Variants in SORCS3 observed in about 807,000 individuals in gnomAD.
SORCS3 encodes the protein sortilin related VPS10 domain containing receptor 3.
A neutral mutation model predicts 146.3 loss-of-function variants in SORCS3; 57 were observed. The observed-to-expected ratio is 0.39, with a 90% CI of 0.31 to 0.49. The LOEUF (loss-of-function observed/expected upper bound fraction) is 0.49, where lower values mean the gene tolerates loss of function less well. Ranked by LOEUF, SORCS3 falls within the 20% of genes least tolerant of loss-of-function variation. SORCS3 has a pLI of 0.92. For synonymous variants in SORCS3, 653 were observed against 618.5 expected (o/e 1.06, Z -0.83); for missense variants, 1,341 against 1,575.5 (o/e 0.85, Z 2.52).
intron 1 of SORCS3, among the ~76,000 whole-genome samples, chr10:104,818,304 T>C (rs1316241930): frequency 6.6e-6 from 1 of 152,130 alleles, no homozygotes; most frequent in East Asian, 1.9e-4. Flanking sequence ...TTCCTAGGAA[T>C]TGGAGGTTAG....
At chr10:105,043,469 T>C (rs188779569) in intron 5 of SORCS3, among the ~76,000 whole-genome samples, 52 of 152,294 alleles carry the variant, frequency 3.4e-4, no homozygotes, top group Admixed American at 2.7e-3. Context: ...CCCCTCTTTT[T>C]GGAAAAGTGC....
At chr10:105,047,358 G>A (rs2055380608) in intron 5 of SORCS3, among the ~76,000 whole-genome samples, 1 of 152,040 alleles carries the variant, frequency 6.6e-6, no homozygotes, top group South Asian at 2.1e-4. Context: ...CTAAAACACG[G>A]AAGGAATGTC....
At chr10:104,726,534 G>A (rs983285993) in intron 1 of SORCS3, among the ~76,000 whole-genome samples, 1 of 152,082 alleles carries the variant, frequency 6.6e-6, no homozygotes, top group African/African-American at 2.4e-5. Context: ...CATGTCTCAT[G>A]CATGTTCCAT....
intron 22 of SORCS3, among the ~76,000 whole-genome samples, chr10:105,248,016 T>A (rs1359191861): frequency 6.6e-6 from 1 of 152,210 alleles, no homozygotes; most frequent in Non-Finnish European, 1.5e-5. Flanking sequence ...AGACTACCGT[T>A]GGCCACAGAT....
At chr10:104,940,752 G>C (rs1204957721) in intron 3 of SORCS3, among the ~76,000 whole-genome samples, 1 of 152,068 alleles carries the variant, frequency 6.6e-6, no homozygotes, top group Non-Finnish European at 1.5e-5. Context: ...ACAAACAAAT[G>C]GAAGAACATT....
intron 6 of SORCS3, 107 bp from the exon 7 acceptor site, chr10:105,105,290 T>G (rs1372048727): frequency 1.5e-6 from 1 of 649,248 alleles, no homozygotes; most frequent in Non-Finnish European, 2.7e-6. Context: ...CACTGTTATT[T>G]TAAATTACCT....
chr10:104,647,272 G>A (rs1025724278), intron 1 of SORCS3, among the ~76,000 whole-genome samples: 6 of 152,242 alleles, frequency 3.9e-5, no homozygotes, highest in South Asian at 2.1e-4. Flanking sequence ...CCAGGGCAGC[G>A]TCTTCATTGT....
At chr10:104,683,902 G>C (rs1413521138) in intron 1 of SORCS3, among the ~76,000 whole-genome samples, 2 of 152,104 alleles carry the variant, frequency 1.3e-5, no homozygotes, top group Non-Finnish European at 2.9e-5. Flanking sequence ...TAAGACCAAG[G>C]CCCTCTCATT....
chr10:105,015,636 A>T (rs1419797881), intron 4 of SORCS3, among the ~76,000 whole-genome samples: 1 of 152,192 alleles, frequency 6.6e-6, no homozygotes, highest in Admixed American at 6.5e-5. Flanking sequence ...GACGATGGGG[A>T]CAATAAAGCC....
chr10:105,155,844 G>A (rs2056203991), intron 9 of SORCS3, among the ~76,000 whole-genome samples: 2 of 152,110 alleles, frequency 1.3e-5, no homozygotes, highest in Admixed American at 1.3e-4. Context: ...CCCTGGTGGT[G>A]TCCTTCCAGT....
intron 1 of SORCS3, among the ~76,000 whole-genome samples, chr10:104,661,717 A>G (rs1226199535): frequency 6.6e-6 from 1 of 152,250 alleles, no homozygotes. Context: ...AGATAGATAG[A>G]TACATATCAT....
At chr10:104,915,164 G>A (rs534278237) in intron 2 of SORCS3, among the ~76,000 whole-genome samples, 1 of 152,252 alleles carries the variant, frequency 6.6e-6, no homozygotes, top group South Asian at 2.1e-4. Flanking sequence ...TGGAAAGGAG[G>A]AGCAGGTAGC....
chr10:105,063,580 G>A (rs1221728922), intron 5 of SORCS3, among the ~76,000 whole-genome samples: 1 of 152,160 alleles, frequency 6.6e-6, no homozygotes, highest in Admixed American at 6.6e-5. Context: ...ATGCCTTTCG[G>A]TCACACCTAT....
At chr10:104,937,394 G>T (rs1589556850) in intron 3 of SORCS3, among the ~76,000 whole-genome samples, 1 of 152,326 alleles carries the variant, frequency 6.6e-6, no homozygotes, top group East Asian at 1.9e-4. Context: ...TCTAGAAAAT[G>T]TAGGTGTTAA....
In SORCS3 at chr10:105,264,366, A is replaced by T. The variant is rs1455502511; in HGVS notation, c.*992A>T. 6.6e-6 allele frequency: 1 copy of T among 152,236 alleles called. No homozygotes were observed. Among genetic ancestry groups the T allele is most frequent in the African/African-American group, 2.4e-5 (1 of 41,458 alleles). 9.4% of individuals were successfully genotyped at this position (152,236 alleles called of 1,614,324 possible). The stretch of plus-strand genomic sequence containing the variant: ...GAAAATATTTTTTTCTAAAGAAGGC[A>T]GTCAGTGGATCTTAAAATGACAATC... On this transcript the variant is annotated 3_prime_UTR_variant, in exon 27 of 27. Transcript: ENST00000369701.
In SORCS3 at chr10:105,018,351, A is replaced by T. The variant is rs790645; in HGVS notation, c.955-24704A>T. ...CTCTGACTGCCTCTCACTGTGTGGC[A>T]TGCCCACCCTAAACTAATGGCCAAG... On this transcript the variant is annotated intron_variant, in intron 4 of 26. Transcript: ENST00000369701. Among the ~76,000 whole-genome samples, 1,279 of 152,310 alleles carry T rather than the reference A, an allele frequency of 8.4e-3. 18 individuals carry two copies. Among genetic ancestry groups the T allele is most frequent in the African/African-American group, 0.03 (1,230 of 41,570 alleles).
intron 2 of SORCS3, among the ~76,000 whole-genome samples, chr10:104,889,970 C>T (rs967745037): frequency 1.3e-5 from 2 of 152,066 alleles, no homozygotes; most frequent in African/African-American, 4.8e-5. Flanking sequence ...ATTTAATTGG[C>T]TTATTTTTCC....
chr10:104,908,648 A>G (rs1203072706), intron 2 of SORCS3, among the ~76,000 whole-genome samples: 1 of 152,250 alleles, frequency 6.6e-6, no homozygotes, highest in African/African-American at 2.4e-5. Context: ...AATTAAAAAA[A>G]AAATTCATTT....
chr10:104,657,580 C>T (rs1229113990), intron 1 of SORCS3, among the ~76,000 whole-genome samples: 4 of 152,138 alleles, frequency 2.6e-5, no homozygotes, highest in Non-Finnish European at 4.4e-5. Context: ...GAGCTGAATG[C>T]GGTAGGCCAG....
Sources: allele counts gnomAD v4.1 joint callset (sites outside exome capture counted in the v4.1 genomes callset), GRCh38; gene constraint gnomAD v4.1.1; transcripts MANE v1.5; gene names NCBI Gene and HGNC (gene_info 2026-07-23, HGNC 2026-07-21).